ERCC6: variants seen among roughly 807,000 people sequenced by gnomAD.
ERCC6 encodes DNA excision repair protein ERCC-6.
ERCC6 carries 116 observed loss-of-function variants against 158.7 expected under a neutral mutation model. The ratio of observed to expected loss-of-function variants is 0.73; its 90% CI spans 0.63 to 0.85. The LOEUF (loss-of-function observed/expected upper bound fraction) is 0.85. Among genes scored for constraint, ERCC6 ranks in the 40% least tolerant of loss-of-function variants. The pLI is 0.00. For missense variants in ERCC6, 1,698 were observed against 1,799.4 expected, an observed-to-expected ratio of 0.94 and a Z score of 1.02; for synonymous variants, 678 against 659.3, an observed-to-expected ratio of 1.03 and a Z score of -0.43.
At chr10:49,521,208 G>A (rs1291059856) in intron 5 of ERCC6, among the ~76,000 whole-genome samples, 1 of 152,234 alleles carries the variant, frequency 6.6e-6, no homozygotes. Flanking sequence ...CAACTGGGAA[G>A]TGAATCAATA....
intron 7 of ERCC6, among the ~76,000 whole-genome samples, chr10:49,498,948 T>TA (rs2074621541): frequency 2.0e-5 from 3 of 152,186 alleles, no homozygotes; most frequent in South Asian, 4.1e-4. Flanking sequence ...TGGGGTTGTC[T>TA]AGTTACCAAA....
At chr10:49,492,884 C>T (rs939489806) in intron 8 of ERCC6, among the ~76,000 whole-genome samples, 1 of 152,084 alleles carries the variant, frequency 6.6e-6, no homozygotes, top group Non-Finnish European at 1.5e-5. Context: ...TTTTACTGGA[C>T]AACAGACATT....
chr10:49,438,021 TTTTG>T, the ERCC6 span, among the ~76,000 whole-genome samples: 1 of 152,192 alleles, frequency 6.6e-6, no homozygotes, highest in East Asian at 1.9e-4. Flanking sequence ...CTGTATTGTT[TTTTG>T]TTTGTATTAT....
chr10:49,490,604 C>T (rs549225948), intron 8 of ERCC6, among the ~76,000 whole-genome samples: 1 of 152,152 alleles, frequency 6.6e-6, no homozygotes, highest in Non-Finnish European at 1.5e-5. Flanking sequence ...CCACCCGCCT[C>T]GGCCTCCCAA....
Position 49,470,653 on chromosome 10 carries a change from T to C in ERCC6, c.3307A>G (p.Ser1103Gly), listed in dbSNP as rs768486648. Residue 1103 changes from serine to glycine, a missense_variant, in exon 18 of 21, where the codon AGC (serine) becomes GGC (glycine). Transcript: ENST00000355832. ...GTCTCTTCTCCAAGCCTATCATTGC[T>C]AGTTACATTACTACTCATGTGAGGG... ...DDPHMSSNVT[S>G]NDRLGEETNA... 3 of 1,613,776 alleles carry C rather than the reference T, an allele frequency of 1.9e-6. No homozygotes were observed. The highest frequency in any genetic ancestry group is 3.3e-5 in the Admixed American group (2 of 59,990).
chr10:49,498,104 C>T, intron 7 of ERCC6, among the ~76,000 whole-genome samples: 1 of 152,158 alleles, frequency 6.6e-6, no homozygotes, highest in East Asian at 1.9e-4. Flanking sequence ...GCAACCAGTA[C>T]AGATGTTTAT....
chr10:49,513,398 G>C (rs1474726468), intron 5 of ERCC6, among the ~76,000 whole-genome samples: 1 of 152,110 alleles, frequency 6.6e-6, no homozygotes, highest in African/African-American at 2.4e-5. Flanking sequence ...AGTGATACTG[G>C]GTACTGGGCA....
Position 49,530,820 on chromosome 10 carries a change from C to G in ERCC6, c.443G>C (p.Arg148Thr). 6.2e-7 allele frequency: 1 copy of G among 1,613,530 alleles called. No individual in the cohort carries two copies. Among genetic ancestry groups the G allele is most frequent in the Non-Finnish European group, 8.5e-7 (1 of 1,179,770 alleles). Reference protein sequence around the residue: ...DDLTSCTTSLRQINKIIEQLS... With the variant: ...DDLTSCTTSLTQINKIIEQLS... ...CTGTTCAATAATTTTATTGATTTGC[C>G]TTAGGGATGTCGTACATGACCTGAA... The change falls in exon 3 of 21, where the codon AGG (arginine) becomes ACG (threonine). Residue 148 changes from arginine (R) to threonine (T), a missense_variant. Arg to Thr is a moderately conservative substitution (Grantham distance 71). Coordinates refer to ENST00000355832, the MANE Select transcript of ERCC6 (RefSeq NM_000124.4).
downstream of ERCC6, among the ~76,000 whole-genome samples, chr10:49,450,722 T>C (rs186306499): frequency 6.6e-6 from 1 of 152,358 alleles, no homozygotes; most frequent in East Asian, 1.9e-4. Flanking sequence ...CACTTTTTGT[T>C]AAATATGTTA....
At chr10:49,451,304 C>T (rs1425289549), downstream of ERCC6, among the ~76,000 whole-genome samples, 4 of 151,308 alleles carry the variant, frequency 2.6e-5, no homozygotes, top group African/African-American at 9.7e-5. Flanking sequence ...TGGCTTAGAC[C>T]CTCCAGTACA....
chr10:49,516,137 A>G, intron 5 of ERCC6: 1 of 1,614,166 alleles, frequency 6.2e-7, no homozygotes, highest in Non-Finnish European at 8.5e-7. Context: ...ACGCACCGAC[A>G]CCATATTCCT....
chr10:49,515,411 A>G (rs1836917605), intron 5 of ERCC6: 7 of 1,614,044 alleles, frequency 4.3e-6, no homozygotes, highest in African/African-American at 1.3e-5. Context: ...TTGTGTTCTT[A>G]TGACATTCAG....
At position 49,458,447 on chromosome 10, in the gene ERCC6, C is replaced by G; in HGVS notation, c.*368G>C. 1 of 254,972 alleles carries G rather than the reference C, an allele frequency of 3.9e-6. No individual in the cohort carries two copies. The highest frequency in any genetic ancestry group is 4.9e-5 in the South Asian group (1 of 20,586). 15.8% of individuals were successfully genotyped at this position (254,972 alleles called of 1,614,324 possible). On this transcript the variant is annotated 3_prime_UTR_variant, in exon 21 of 21. Coordinates refer to ENST00000355832, the MANE Select transcript of ERCC6 (RefSeq NM_000124.4). ...TGAATGTAAGACCTGTTTTTAGCAC[C>G]AATAAAAAAAAATATTGAGATTTCT...
In ERCC6 at chr10:49,472,444, G is replaced by A; in HGVS notation, c.2856C>T (p.Gly952=). 1 of 1,614,020 alleles carries A rather than the reference G, an allele frequency of 6.2e-7. No homozygotes were observed. Among genetic ancestry groups the A allele is most frequent in the Non-Finnish European group, 8.5e-7 (1 of 1,180,010 alleles). ...TQARERAWRI[G]QKKQVTVYRL... ...TGTACACAGTCACTTGCTTCTTCTG[G>A]CCTATTCTCCATGCTCGCTCCCGGG... The change falls in exon 16 of 21, where the codon GGC becomes GGT. Residue 952 remains glycine, a synonymous_variant. Transcript: ENST00000355832.
chr10:49,455,816 A>G lies in ERCC6; in HGVS notation c.*2999T>C, dbSNP rs1850475218. ...ACGTAATCAGGGAAATTCAAGTGAA[A>G]ACAAGGTACTTTCAATCACGAGACT... is the stretch of plus-strand genomic sequence containing the variant. On this transcript the variant is annotated 3_prime_UTR_variant, in exon 21 of 21. Transcript: ENST00000355832. 1 of 152,256 alleles carries G rather than the reference A, an allele frequency of 6.6e-6. No homozygotes were observed. The allele number at this position is 152,256 out of a possible 1,614,324, so 9.4% of individuals were successfully genotyped here. A position where few individuals can be genotyped will look rare whatever the true frequency, so the allele number is the denominator to read the frequency against.
At chr10:49,491,150 C>A (rs1215426514) in intron 8 of ERCC6, among the ~76,000 whole-genome samples, 3 of 152,110 alleles carry the variant, frequency 2.0e-5, no homozygotes, top group African/African-American at 4.8e-5. Flanking sequence ...ATAGTAAGGC[C>A]TATGGAAAGG....
intron 18 of ERCC6, among the ~76,000 whole-genome samples, chr10:49,467,591 G>A (rs781224749): frequency 1.8e-4 from 27 of 150,840 alleles, no homozygotes; most frequent in Non-Finnish European, 3.5e-4. Context: ...TTTGACATGG[G>A]GTCTCGCTCT....
intron 18 of ERCC6, among the ~76,000 whole-genome samples, chr10:49,466,106 CTG>C (rs2132532170): frequency 6.6e-6 from 1 of 152,210 alleles, no homozygotes; most frequent in African/African-American, 2.4e-5. Context: ...ATTAACCTAA[CTG>C]TATTTTAAAC....
intron 8 of ERCC6, among the ~76,000 whole-genome samples, chr10:49,490,892 G>A (rs1193175011): frequency 5.3e-5 from 8 of 152,182 alleles, no homozygotes; most frequent in Non-Finnish European, 2.9e-5. Flanking sequence ...ACTGTAAAAA[G>A]AAATCACAGC....
Sources: allele counts gnomAD v4.1 joint callset (sites outside exome capture counted in the v4.1 genomes callset), GRCh38; gene constraint gnomAD v4.1.1; transcripts MANE v1.5; gene names NCBI Gene and HGNC (gene_info 2026-07-23, HGNC 2026-07-21).